BCL2: variants seen among roughly 807,000 people sequenced by gnomAD.
The protein encoded by BCL2 is BCL2 apoptosis regulator, also known as apoptosis regulator Bcl-2.
In BCL2, 1 loss-of-function variant was observed where a neutral mutation model predicts 14.2. The ratio of observed to expected loss-of-function variants is 0.07; its 90% CI spans 0.02 to 0.33. The LOEUF (loss-of-function observed/expected upper bound fraction) is 0.33, where lower values mean the gene tolerates loss of function less well. Among genes scored for constraint, BCL2 ranks in the 10% least tolerant of loss-of-function variants. BCL2 has a pLI of 0.99. For missense variants in BCL2, 247 were observed against 305.9 expected (o/e 0.81, Z 1.44); for synonymous variants, 151 against 137.2 (o/e 1.10, Z -0.70).
intron 2 of BCL2, among the ~76,000 whole-genome samples, chr18:63,300,466 CTGTGTG>C (rs371006514): frequency 8.8e-5 from 13 of 148,038 alleles, no homozygotes; most frequent in Non-Finnish European, 1.5e-4. Context: ...CTCTCTCTCT[CTGTGTG>C]TGTGTGTGTG....
At chr18:63,180,514 C>T (rs910146010) in intron 2 of BCL2, among the ~76,000 whole-genome samples, 9 of 151,394 alleles carry the variant, frequency 5.9e-5, no homozygotes, top group Admixed American at 1.3e-4. Context: ...CCGCCCACCC[C>T]ACCCCAGACC....
intron 2 of BCL2, chr18:63,317,628 A>T (rs1913538282): frequency 9.9e-7 from 1 of 1,009,294 alleles, no homozygotes; most frequent in Non-Finnish European, 1.2e-6. Flanking sequence ...ATTTTAGTGT[A>T]CAACGGGCTT....
chr18:63,224,344 A>G (rs1029444349), intron 2 of BCL2, among the ~76,000 whole-genome samples: 3 of 152,216 alleles, frequency 2.0e-5, no homozygotes, highest in Admixed American at 2.0e-4. Flanking sequence ...CAGACCCACA[A>G]TTAGAACAGT....
intron 2 of BCL2, among the ~76,000 whole-genome samples, chr18:63,172,967 C>G (rs1046049450): frequency 2.6e-5 from 4 of 152,166 alleles, no homozygotes; most frequent in African/African-American, 7.2e-5. Context: ...CCTGCATTCC[C>G]ATTGATTGAC....
chr18:63,186,716 G>A (rs1410552092), intron 2 of BCL2, among the ~76,000 whole-genome samples: 3 of 152,188 alleles, frequency 2.0e-5, no homozygotes, highest in Non-Finnish European at 4.4e-5. Context: ...GCAATAGTCA[G>A]TAAAGAACTC....
chr18:63,279,467 T>C (rs758628261), intron 2 of BCL2, among the ~76,000 whole-genome samples: 1 of 152,200 alleles, frequency 6.6e-6, no homozygotes, highest in Non-Finnish European at 1.5e-5. Flanking sequence ...AAACCCACAA[T>C]GTGATACTCC....
intron 2 of BCL2, among the ~76,000 whole-genome samples, chr18:63,300,466 C>CTGTG (rs371006514): frequency 0.031 from 4,544 of 148,062 alleles, 98 homozygotes; most frequent in Middle Eastern, 0.056. Flanking sequence ...CTCTCTCTCT[C>CTGTG]TGTGTGTGTG....
chr18:63,281,171 G>A (rs920805452), intron 2 of BCL2, among the ~76,000 whole-genome samples: 5 of 152,072 alleles, frequency 3.3e-5, no homozygotes, highest in East Asian at 3.9e-4. Context: ...GGCTGCAGGC[G>A]TGGGGGAACA....
chr18:63,130,459 G>A (rs1050175627), intron 2 of BCL2, among the ~76,000 whole-genome samples: 12 of 152,188 alleles, frequency 7.9e-5, no homozygotes, highest in Non-Finnish European at 1.3e-4. Flanking sequence ...CTATAGGTGC[G>A]TAGTAAATGT....
At chr18:63,162,820 C>T (rs1884423139) in intron 2 of BCL2, among the ~76,000 whole-genome samples, 1 of 151,832 alleles carries the variant, frequency 6.6e-6, no homozygotes, top group Admixed American at 6.6e-5. Flanking sequence ...TCTTTCCTTC[C>T]CTCCTTCCTT....
chr18:63,318,428 G>A lies in BCL2; in HGVS notation c.239C>T (p.Ala80Val), dbSNP rs760559670. 4 of 1,485,652 alleles carry A rather than the reference G, an allele frequency of 2.7e-6. No individual in the cohort carries two copies. The South Asian group carries it at 5.6e-5, about 21-fold the overall frequency. 92.0% of individuals were successfully genotyped at this position (1,485,652 alleles called of 1,614,324 possible). A position where few individuals can be genotyped will look rare whatever the true frequency, so the allele number is the denominator to read the frequency against. ...SPLQTPAAPG[A>V]AAGPALSPVP... is the part of the protein sequence containing the mutation. ...CGGGCTGAGCGCAGGCCCCGCGGCG[G>A]CGCCGGGGGCAGCCGGGGTCTGCAG... Residue 80 changes from alanine (A) to valine (V), a missense_variant, in exon 2 of 3, where the codon GCC (alanine) becomes GTC (valine). This residue lies in a region of BCL2 where 144 missense variants were observed against 135.3 expected (regional missense o/e 1.06). Transcript: ENST00000333681. The surrounding 1 kb of genome is among the most constrained non-coding windows in gnomAD (Gnocchi z 7.4).
chr18:63,198,682 GAC>G (rs1221636394), intron 2 of BCL2, among the ~76,000 whole-genome samples: 2 of 73,524 alleles, frequency 2.7e-5, no homozygotes, highest in Admixed American at 1.7e-4. Context: ...AGACACAACA[GAC>G]ACAGACACAC....
At chr18:63,234,564 T>C (rs1475885003) in intron 2 of BCL2, among the ~76,000 whole-genome samples, 1 of 152,220 alleles carries the variant, frequency 6.6e-6, no homozygotes, top group African/African-American at 2.4e-5. Flanking sequence ...ACAGTCCTTG[T>C]TCCAACACTA....
chr18:63,153,037 C>G (rs1379831109), intron 2 of BCL2, among the ~76,000 whole-genome samples: 1 of 152,196 alleles, frequency 6.6e-6, no homozygotes, highest in Non-Finnish European at 1.5e-5. Context: ...CTCCAGAATG[C>G]TCACAGCTCA....
At chr18:63,319,773 GAGA>G (rs1413325527), upstream of BCL2, 10 of 203,322 alleles carry the variant, frequency 4.9e-5, no homozygotes, top group Admixed American at 1.2e-4. Flanking sequence ...GAGGGGTGGG[GAGA>G]AGGAGGTGGT....
intron 2 of BCL2, chr18:63,316,166 A>G (rs139103756): frequency 6.6e-6 from 1 of 152,570 alleles, no homozygotes; most frequent in African/African-American, 2.4e-5. Flanking sequence ...AAGAAACTTC[A>G]GTTACATGAG....
At chr18:63,141,339 C>T (rs915939180) in intron 2 of BCL2, among the ~76,000 whole-genome samples, 2 of 152,276 alleles carry the variant, frequency 1.3e-5, no homozygotes, top group South Asian at 2.1e-4. Flanking sequence ...CTCTTCCATC[C>T]GCCACTTCTC....
At chr18:63,169,548 A>T (rs2144629380) in intron 2 of BCL2, among the ~76,000 whole-genome samples, 1 of 117,472 alleles carries the variant, frequency 8.5e-6, no homozygotes, top group South Asian at 2.7e-4. Context: ...TTTTCAATGG[A>T]GTCTCGCTCT....
intron 2 of BCL2, among the ~76,000 whole-genome samples, chr18:63,137,155 A>C (rs1914228476): frequency 6.6e-6 from 1 of 152,232 alleles, no homozygotes; most frequent in African/African-American, 2.4e-5. Flanking sequence ...GCTCCAACCT[A>C]GTTCTCCTGC....
Sources: allele counts gnomAD v4.1 joint callset (sites outside exome capture counted in the v4.1 genomes callset), GRCh38; gene constraint gnomAD v4.1.1; regional missense constraint gnomAD v4.1.1; non-coding constraint Gnocchi (gnomAD v3.1); transcripts MANE v1.5; gene names NCBI Gene and HGNC (gene_info 2026-07-23, HGNC 2026-07-21).